Variants in AMPH observed in about 807,000 individuals in gnomAD.
The protein encoded by AMPH is amphiphysin.
In AMPH, 49 loss-of-function variants were observed where a neutral mutation model predicts 99.1. The observed-to-expected ratio is 0.49, with a 90% confidence interval of 0.39 to 0.63. The LOEUF (loss-of-function observed/expected upper bound fraction) is 0.63, where lower values mean the gene tolerates loss of function less well. Among genes scored for constraint, AMPH ranks in the 20% least tolerant of loss-of-function variants. The probability of loss-of-function intolerance (pLI) is 0.00; values close to 1 mark genes in which losing one functional copy is unlikely to be tolerated. For synonymous variants in AMPH, 314 were observed against 317.3 expected, an observed-to-expected ratio of 0.99 and a Z score of 0.11; for missense variants, 759 against 863.4, an observed-to-expected ratio of 0.88 and a Z score of 1.52.
At chr7:38,618,390 T>G (rs1562865229) in intron 1 of AMPH, among the ~76,000 whole-genome samples, 1 of 151,108 alleles carries the variant, frequency 6.6e-6, no homozygotes, top group Admixed American at 6.6e-5. Flanking sequence ...CATGCACCTG[T>G]AGTCCCAGCT....
intron 1 of AMPH, among the ~76,000 whole-genome samples, chr7:38,572,714 G>A (rs1408569962): frequency 6.6e-6 from 1 of 152,190 alleles, no homozygotes; most frequent in African/African-American, 2.4e-5. Flanking sequence ...GGAGCAGGAG[G>A]AAGACCTTGT....
At chr7:38,520,857 A>C (rs531348929) in intron 2 of AMPH, among the ~76,000 whole-genome samples, 1 of 152,342 alleles carries the variant, frequency 6.6e-6, no homozygotes, top group African/African-American at 2.4e-5. Flanking sequence ...ACTATCAGAC[A>C]TAGACCACCA....
chr7:38,417,759 T>G (rs1222945001), intron 17 of AMPH, 66 bp downstream of exon 17: 1 of 1,585,026 alleles, frequency 6.3e-7, no homozygotes, highest in Non-Finnish European at 8.6e-7. Flanking sequence ...GCGATGCATA[T>G]GGTCATGAGA....
intron 3 of AMPH, among the ~76,000 whole-genome samples, chr7:38,496,887 A>T (rs1284562598): frequency 6.6e-6 from 1 of 152,216 alleles, no homozygotes; most frequent in East Asian, 1.9e-4. Flanking sequence ...AAGAAAAAGA[A>T]ATTTGGCACT....
At chr7:38,612,484 A>G (rs1046251348) in intron 1 of AMPH, among the ~76,000 whole-genome samples, 1 of 152,124 alleles carries the variant, frequency 6.6e-6, no homozygotes, top group Non-Finnish European at 1.5e-5. Flanking sequence ...TCTTACCCAC[A>G]TAACACAGTC....
intron 2 of AMPH, among the ~76,000 whole-genome samples, chr7:38,530,685 G>A (rs1790364500): frequency 6.6e-6 from 1 of 152,148 alleles, no homozygotes; most frequent in African/African-American, 2.4e-5. Flanking sequence ...AGAAACCAAG[G>A]ACCTTCTTTC....
At chr7:38,551,278 T>G (rs1791171358) in intron 1 of AMPH, among the ~76,000 whole-genome samples, 1 of 152,090 alleles carries the variant, frequency 6.6e-6, no homozygotes, top group Non-Finnish European at 1.5e-5. Context: ...AATGAACCAA[T>G]CTTCACTTCT....
At chr7:38,628,032 C>T (rs1794318645) in intron 1 of AMPH, among the ~76,000 whole-genome samples, 1 of 152,014 alleles carries the variant, frequency 6.6e-6, no homozygotes, top group African/African-American at 2.4e-5. Flanking sequence ...TAGAAATCAC[C>T]AAACAATTTA....
At chr7:38,509,054 A>G (rs1789439085) in intron 2 of AMPH, among the ~76,000 whole-genome samples, 1 of 152,170 alleles carries the variant, frequency 6.6e-6, no homozygotes, top group South Asian at 2.1e-4. Flanking sequence ...AAGATGTAAA[A>G]GCGCCCAGGG....
At chr7:38,542,319 C>T (rs12530601) in intron 1 of AMPH, among the ~76,000 whole-genome samples, 12,663 of 152,234 alleles carry the variant, frequency 0.083, 838 homozygotes, top group East Asian at 0.31. Context: ...CCAGATTTTC[C>T]TTCTCCAGTG....
chr7:38,580,672 A>T (rs1299416805), intron 1 of AMPH, among the ~76,000 whole-genome samples: 2 of 151,720 alleles, frequency 1.3e-5, no homozygotes, highest in East Asian at 3.9e-4. Context: ...GATGATGATG[A>T]TGATGATGAT....
chr7:38,573,553 T>C (rs1792126379), intron 1 of AMPH, among the ~76,000 whole-genome samples: 1 of 152,230 alleles, frequency 6.6e-6, no homozygotes, highest in South Asian at 2.1e-4. Flanking sequence ...TGTGTGTCTT[T>C]ATTTACTTTT....
rs560371111 is a variant in AMPH at position 38,629,169 on chromosome 7, T to G, written c.69+2114A>C. On this transcript the variant is annotated intron_variant, in intron 1 of 20. Transcript: ENST00000356264. ...CCTCTGACAGTAACATACTGTGCTTTCCTTTCTCCAGCAGCCTCCATTTGG... is the reference window on the plus strand; with the variant it reads ...CCTCTGACAGTAACATACTGTGCTTGCCTTTCTCCAGCAGCCTCCATTTGG... 2.0e-5 allele frequency among the ~76,000 whole-genome samples: 3 copies of G among 152,292 alleles called. No homozygotes were observed. The South Asian group carries it at 6.2e-4, about 32-fold the overall frequency.
chr7:38,399,763 A>C (rs1461917086), intron 17 of AMPH, among the ~76,000 whole-genome samples: 2 of 152,248 alleles, frequency 1.3e-5, no homozygotes, highest in Non-Finnish European at 2.9e-5. Context: ...TTTCATACCC[A>C]GTGCTATCAA....
At chr7:38,611,794 A>G (rs1436395480) in intron 1 of AMPH, among the ~76,000 whole-genome samples, 1 of 152,204 alleles carries the variant, frequency 6.6e-6, no homozygotes, top group Admixed American at 6.5e-5. Context: ...AGGTGTCTCA[A>G]ATATTTTTCC....
At chr7:38,503,815 A>T in intron 2 of AMPH, 111 bp from the exon 3 acceptor site, 1 of 1,049,520 alleles carries the variant, frequency 9.5e-7, no homozygotes, top group Non-Finnish European at 1.5e-6. Flanking sequence ...TCTTGGAAAA[A>T]AACATAAATA....
chr7:38,546,233 A>G (rs1482203560), intron 1 of AMPH, among the ~76,000 whole-genome samples: 1 of 152,214 alleles, frequency 6.6e-6, no homozygotes, highest in Non-Finnish European at 1.5e-5. Flanking sequence ...TGGAAGTACC[A>G]AAAGCTGAAA....
In AMPH at chr7:38,466,162, T is replaced by A. The variant is rs1175653650; in HGVS notation, c.666+11A>T. 1.2e-5 allele frequency: 19 copies of A among 1,600,806 alleles called. No individual in the cohort carries two copies. Among genetic ancestry groups the A allele is most frequent in the Non-Finnish European group, 1.6e-5 (19 of 1,174,368 alleles). ...TATATTCCATATGCAAAAATTATCG[T>A]CATGACTCACCACCGCAATTTCCTT... is the stretch of plus-strand genomic sequence containing the variant. On this transcript the variant is annotated intron_variant, in intron 8 of 20. Transcript: ENST00000356264.
rs549213487 is a variant in AMPH at position 38,472,808 on chromosome 7, G to A, written c.590+2523C>T. The stretch of plus-strand genomic sequence containing the variant: ...AAAAGCATTGAAACATTTATACTGC[G>A]TATGACCAGAAAAGGGGAAAGGTTT... On this transcript the variant is annotated intron_variant, in intron 7 of 20. Coordinates refer to ENST00000356264, the MANE Select transcript of AMPH (RefSeq NM_001635.4). Among the ~76,000 whole-genome samples the A allele has an allele frequency of 2.0e-4, 30 of 152,268 alleles. 1 individual carries two copies. The South Asian group carries it at 5.6e-3, about 28-fold the overall frequency.
Sources: gnomAD v4.1 joint callset for allele counts (sites outside exome capture counted in the v4.1 genomes callset) on GRCh38, gnomAD v4.1.1 for gene constraint, MANE v1.5 for transcripts, NCBI Gene and HGNC (gene_info 2026-07-23, HGNC 2026-07-21) for gene names.